Variants in CHRDL1 observed in about 807,000 individuals in gnomAD.
The protein encoded by CHRDL1 is chordin like 1.
CHRDL1 carries 19 observed loss-of-function variants against 40.9 expected under a neutral mutation model. That is an observed-to-expected ratio of 0.46 (90% CI 0.32 to 0.68). The LOEUF is 0.68. Ranked by LOEUF, CHRDL1 falls within the 30% of genes least tolerant of loss-of-function variation. CHRDL1 has a pLI of 0.03. For synonymous variants in CHRDL1, 136 were observed against 123.4 expected (o/e 1.10, Z -0.68); for missense variants, 329 against 352.1 (o/e 0.93, Z 0.53).
chrX:110,682,730 T>C (rs1364587482), intron 9 of CHRDL1, among the ~76,000 whole-genome samples: 1 of 112,309 alleles, frequency 8.9e-6, no homozygotes, highest in Non-Finnish European at 1.9e-5. Flanking sequence ...CTTGGTAACC[T>C]GATTAGCTTT....
Position 110,726,069 on chromosome X carries a change from A to G in CHRDL1, c.302-4539T>C, listed in dbSNP as rs187384705. On this transcript the variant is annotated intron_variant, in intron 4 of 11. Transcript: ENST00000372042. The stretch of plus-strand genomic sequence containing the variant: ...TCTCAGAAATATATGGGAAGAGAGA[A>G]TGACAAAAAGGCCTTGAAAGAAACC... Among the ~76,000 whole-genome samples, 4 of 111,636 alleles carry G rather than the reference A, an allele frequency of 3.6e-5. No individual in the cohort carries two copies. In the East Asian group the frequency reaches 1.1e-3, roughly 31 times the overall value.
chrX:110,702,264 C>T (rs2070529785), intron 6 of CHRDL1, among the ~76,000 whole-genome samples: 2 of 111,510 alleles, frequency 1.8e-5, no homozygotes, highest in Non-Finnish European at 3.8e-5. Flanking sequence ...TCATGTTATT[C>T]TTCTTCTGAA....
chrX:110,788,609 C>T (rs1462463560), intron 2 of CHRDL1, among the ~76,000 whole-genome samples: 1 of 112,022 alleles, frequency 8.9e-6, no homozygotes, highest in African/African-American at 3.2e-5. Flanking sequence ...CAGTTGCTTT[C>T]CTTTTTAATT....
intron 2 of CHRDL1, among the ~76,000 whole-genome samples, chrX:110,767,125 C>T (rs778743962): frequency 2.8e-4 from 31 of 111,799 alleles, no homozygotes; most frequent in East Asian, 2.5e-3. Flanking sequence ...AAAAAGCACT[C>T]GATAAAATCC....
At chrX:110,688,491 A>G in intron 9 of CHRDL1, 103 bp downstream of exon 9, 3 of 545,143 alleles carry the variant, frequency 5.5e-6, no homozygotes, top group Non-Finnish European at 9.5e-6. Flanking sequence ...AAATATTATC[A>G]TTACAATTAT....
intron 8 of CHRDL1, among the ~76,000 whole-genome samples, chrX:110,691,863 G>A (rs1483749899): frequency 2.7e-5 from 3 of 110,567 alleles, no homozygotes; most frequent in African/African-American, 9.9e-5. Context: ...TGTGAGGTCA[G>A]GGCTGTGGAC....
intron 9 of CHRDL1, among the ~76,000 whole-genome samples, chrX:110,683,729 T>C (rs1490677538): frequency 9.0e-6 from 1 of 111,594 alleles, no homozygotes; most frequent in African/African-American, 3.3e-5. Flanking sequence ...TTTCCTTGTC[T>C]GTGAGGACCA....
intron 1 of CHRDL1, among the ~76,000 whole-genome samples, chrX:110,793,311 C>T (rs1250656043): frequency 8.9e-6 from 1 of 112,161 alleles, no homozygotes; most frequent in Non-Finnish European, 1.9e-5. Flanking sequence ...ATGAAGTTGC[C>T]TGGGTCATTC....
At chrX:110,694,062 C>A in intron 8 of CHRDL1, 101 bp downstream of exon 8, 1 of 642,202 alleles carries the variant, frequency 1.6e-6, no homozygotes, top group Non-Finnish European at 2.4e-6. Flanking sequence ...TGAATATGGG[C>A]TATTCCTGGG....
At chrX:110,722,225 G>A (rs1213357021) in intron 4 of CHRDL1, among the ~76,000 whole-genome samples, 2 of 110,129 alleles carry the variant, frequency 1.8e-5, no homozygotes, top group Non-Finnish European at 3.8e-5. Flanking sequence ...TCAAACTCCT[G>A]ACCTCAATTG....
chrX:110,733,291 G>A (rs2071201243), intron 4 of CHRDL1, among the ~76,000 whole-genome samples: 1 of 111,198 alleles, frequency 9.0e-6, no homozygotes, highest in South Asian at 3.8e-4. Context: ...CCCAGCCAGG[G>A]TCATGAAGTT....
chrX:110,693,609 C>A (rs1232507921), intron 8 of CHRDL1, among the ~76,000 whole-genome samples: 1 of 111,157 alleles, frequency 9.0e-6, no homozygotes, highest in Non-Finnish European at 1.9e-5. Context: ...CCTGCCTCGA[C>A]CTCCCAAAGT....
chrX:110,689,279 T>C (rs2070105675), intron 8 of CHRDL1, among the ~76,000 whole-genome samples: 1 of 94,833 alleles, frequency 1.1e-5, no homozygotes, highest in African/African-American at 3.8e-5. Context: ...TTAATTTTTG[T>C]AGAGATGGGG....
intron 5 of CHRDL1, among the ~76,000 whole-genome samples, chrX:110,720,937 A>C (rs971824151): frequency 2.7e-4 from 30 of 112,172 alleles, no homozygotes; most frequent in African/African-American, 9.1e-4. Flanking sequence ...ACTAGGAATT[A>C]ACTGGTTAGT....
At chrX:110,697,878 A>ACG (rs1368690626) in intron 7 of CHRDL1, among the ~76,000 whole-genome samples, 2 of 85,081 alleles carry the variant, frequency 2.4e-5, no homozygotes, top group African/African-American at 9.9e-5. Context: ...ACACACACAC[A>ACG]CGCAGACACA....
chrX:110,713,737 T>C (rs1477311466), intron 6 of CHRDL1, among the ~76,000 whole-genome samples: 2 of 112,871 alleles, frequency 1.8e-5, no homozygotes, highest in Non-Finnish European at 1.9e-5. Context: ...AAATAGTTGC[T>C]ACTATTTTTG....
At chrX:110,766,289 A>G (rs762009539) in intron 2 of CHRDL1, among the ~76,000 whole-genome samples, 2 of 111,063 alleles carry the variant, frequency 1.8e-5, no homozygotes, top group Admixed American at 1.9e-4. Context: ...ACCTCAAGGA[A>G]CTAGAGAAAC....
At chrX:110,681,248 G>C (rs2069890118) in intron 10 of CHRDL1, among the ~76,000 whole-genome samples, 1 of 111,751 alleles carries the variant, frequency 8.9e-6, no homozygotes, top group Admixed American at 9.5e-5. Context: ...AGCTTTTGGT[G>C]GTGTGAAATA....
At position 110,737,648 on chromosome X, in the gene CHRDL1, C is replaced by T. The variant is rs1024460027; in HGVS notation, c.302-16118G>A. Among the ~76,000 whole-genome samples, 9 of 111,909 alleles carry T rather than the reference C, an allele frequency of 8.0e-5. No individual in the cohort carries two copies. The Admixed American group carries it at 8.5e-4, about 11-fold the overall frequency. On this transcript the variant is annotated intron_variant, in intron 4 of 11. Coordinates refer to ENST00000372042, the MANE Select transcript of CHRDL1 (RefSeq NM_001143981.2). ...TAATGAGTATTGAGAAGCCTTTTTA[C>T]TGCCCGTACTGGACAAACATATGTC...
Sources: allele counts gnomAD v4.1 joint callset (sites outside exome capture counted in the v4.1 genomes callset), GRCh38; gene constraint gnomAD v4.1.1; transcripts MANE v1.5; gene names NCBI Gene and HGNC (gene_info 2026-07-23, HGNC 2026-07-21).